Variants in RPTOR observed in about 807,000 individuals in gnomAD.
RPTOR encodes the protein regulatory associated protein of MTOR complex 1, also known as regulatory-associated protein of mTOR.
RPTOR carries 21 observed loss-of-function variants against 169.9 expected under a neutral mutation model. That is an observed-to-expected ratio of 0.12 (90% CI 0.09 to 0.18). The LOEUF is 0.18. Among genes scored for constraint, RPTOR ranks in the 10% least tolerant of loss-of-function variants. RPTOR has a pLI of 1.00. For missense variants in RPTOR, 1,133 were observed against 1,855.9 expected (o/e 0.61, Z 7.16); for synonymous variants, 732 against 753.2 (o/e 0.97, Z 0.46).
chr17:80,705,136 C>A (rs968709595), intron 3 of RPTOR, among the ~76,000 whole-genome samples: 1 of 152,286 alleles, frequency 6.6e-6, no homozygotes, highest in Admixed American at 6.5e-5. Flanking sequence ...TGGGCCAGCC[C>A]TGTCCTGGCA....
rs142019146 is a variant in RPTOR, at chr17:80,896,427, GCCAACACC to G, written c.2401+2566_2401+2573del. On this transcript the variant is annotated intron_variant, in intron 20 of 33. Transcript: ENST00000306801. ...CCGCAGCAACACCCCACACGGCCTC[GCCAACACC>G]CCACGGCCATGCCGACACCCCACAC... Among the ~76,000 whole-genome samples the G allele has an allele frequency of 1.5e-3, 159 of 108,188 alleles. 5 individuals are homozygous for G. The highest frequency in any genetic ancestry group is 2.4e-3 in the South Asian group (8 of 3,282). 71.0% of individuals were successfully genotyped at this position (108,188 alleles called of 152,430 possible). A position where few individuals can be genotyped will look rare whatever the true frequency, so the allele number is the denominator to read the frequency against.
chr17:80,849,905 T>C lies in RPTOR; in HGVS notation c.1314+3331T>C, dbSNP rs571983236. Among the ~76,000 whole-genome samples the C allele has an allele frequency of 6.6e-5, 10 of 152,360 alleles. No individual in the cohort carries two copies. The South Asian group carries it at 1.7e-3, about 25-fold the overall frequency. The stretch of plus-strand genomic sequence containing the variant: ...CTGGCTTCGGCAGCTCGCCCGGAAC[T>C]CAGTGCTGTGTGCCCCCAACAGGTG... On this transcript the variant is annotated intron_variant, in intron 11 of 33. Coordinates refer to ENST00000306801, the MANE Select transcript of RPTOR (RefSeq NM_020761.3).
At chr17:80,578,659 T>G (rs1405355518) in intron 1 of RPTOR, among the ~76,000 whole-genome samples, 1 of 152,148 alleles carries the variant, frequency 6.6e-6, no homozygotes, top group East Asian at 1.9e-4. Context: ...AAAGGAAACC[T>G]TGACTGAGAC....
At chr17:80,961,300 C>T in intron 30 of RPTOR, 94 bp from the exon 31 acceptor site, 1 of 1,232,806 alleles carries the variant, frequency 8.1e-7, no homozygotes, top group Non-Finnish European at 1.1e-6. Flanking sequence ...GACCCGCTGG[C>T]ACAGGCAGAC....
At chr17:80,579,665 A>G (rs746015040) in intron 1 of RPTOR, among the ~76,000 whole-genome samples, 4 of 152,228 alleles carry the variant, frequency 2.6e-5, no homozygotes, top group Non-Finnish European at 5.9e-5. Context: ...GGCCTTGCCC[A>G]AGGACTATTC....
intron 3 of RPTOR, among the ~76,000 whole-genome samples, chr17:80,676,757 C>T (rs977403700): frequency 2.0e-5 from 3 of 152,236 alleles, no homozygotes; most frequent in Admixed American, 6.5e-5. Flanking sequence ...GCAGCAGAAC[C>T]GGGCAGGCCT....
chr17:80,770,400 T>C (rs944409271), intron 6 of RPTOR, among the ~76,000 whole-genome samples: 2 of 152,094 alleles, frequency 1.3e-5, no homozygotes, highest in Non-Finnish European at 2.9e-5. Context: ...AGAAGACATG[T>C]TCGTATCTCA....
At chr17:80,772,300 G>A (rs949640556) in intron 6 of RPTOR, among the ~76,000 whole-genome samples, 1 of 152,120 alleles carries the variant, frequency 6.6e-6, no homozygotes, top group Admixed American at 6.5e-5. Context: ...CTCAATACTA[G>A]CAATTTTTCA....
At chr17:80,702,112 T>C (rs1365034479) in intron 3 of RPTOR, among the ~76,000 whole-genome samples, 1 of 152,186 alleles carries the variant, frequency 6.6e-6, no homozygotes, top group Non-Finnish European at 1.5e-5. Context: ...TAGCATTTCT[T>C]AGGCCTTATT....
intron 7 of RPTOR, among the ~76,000 whole-genome samples, chr17:80,810,094 A>C (rs575350598): frequency 6.7e-6 from 1 of 150,298 alleles, no homozygotes; most frequent in Non-Finnish European, 1.5e-5. Flanking sequence ...TAAATAAATA[A>C]AACAGTCTTT....
intron 20 of RPTOR, among the ~76,000 whole-genome samples, chr17:80,902,750 C>T (rs560436872): frequency 6.6e-4 from 100 of 152,356 alleles, no homozygotes; most frequent in Non-Finnish European, 1.1e-3. Context: ...ATGCATGTGG[C>T]CCCACACCAT....
intron 20 of RPTOR, among the ~76,000 whole-genome samples, chr17:80,895,622 T>A (rs1474554863): frequency 6.6e-6 from 1 of 152,256 alleles, no homozygotes; most frequent in Non-Finnish European, 1.5e-5. Context: ...CGTGAGTGCC[T>A]CTCGCCACCT....
chr17:80,779,089 G>A (rs1345184124), intron 6 of RPTOR, among the ~76,000 whole-genome samples: 1 of 152,164 alleles, frequency 6.6e-6, no homozygotes, highest in Admixed American at 6.5e-5. Flanking sequence ...AAACACAGCC[G>A]TGGGCTGAGA....
intron 6 of RPTOR, among the ~76,000 whole-genome samples, chr17:80,783,944 C>T (rs939461377): frequency 1.3e-5 from 2 of 152,106 alleles, no homozygotes; most frequent in East Asian, 3.8e-4. Flanking sequence ...TTAGGAAAGT[C>T]GCTTCTACTT....
At chr17:80,735,494 G>A (rs942634079) in intron 5 of RPTOR, among the ~76,000 whole-genome samples, 3 of 152,186 alleles carry the variant, frequency 2.0e-5, no homozygotes, top group South Asian at 4.1e-4. Context: ...AGAAAGGAAG[G>A]TGAAGTCTTA....
chr17:80,583,182 G>GTTT (rs1166711662), intron 1 of RPTOR, among the ~76,000 whole-genome samples: 7,914 of 78,708 alleles, frequency 0.1, 1,207 homozygotes, highest in African/African-American at 0.19. Flanking sequence ...CCTCTTTCCT[G>GTTT]TTTTTTTTTT....
intron 3 of RPTOR, among the ~76,000 whole-genome samples, chr17:80,650,432 C>T (rs896340953): frequency 6.6e-6 from 1 of 152,178 alleles, no homozygotes; most frequent in African/African-American, 2.4e-5. Flanking sequence ...CCTTCCCTTT[C>T]TGGGCGGGAG....
chr17:80,806,527 A>G (rs2067220362), intron 7 of RPTOR, among the ~76,000 whole-genome samples: 1 of 152,212 alleles, frequency 6.6e-6, no homozygotes, highest in Admixed American at 6.5e-5. Flanking sequence ...GTCACCAAAA[A>G]TATTCCTAGG....
chr17:80,859,145 G>C (rs1211446794), intron 13 of RPTOR, among the ~76,000 whole-genome samples: 1 of 152,204 alleles, frequency 6.6e-6, no homozygotes, highest in African/African-American at 2.4e-5. Flanking sequence ...CAGGAGCCCT[G>C]TGCGGCCTAG....
Sources: allele counts gnomAD v4.1 joint callset (sites outside exome capture counted in the v4.1 genomes callset), GRCh38; gene constraint gnomAD v4.1.1; transcripts MANE v1.5; gene names NCBI Gene and HGNC (gene_info 2026-07-23, HGNC 2026-07-21).